SEMA6C: variants seen among roughly 807,000 people sequenced by gnomAD.
SEMA6C encodes semaphorin 6C.
In SEMA6C, 37 loss-of-function variants were observed where a neutral mutation model predicts 72.9. The observed-to-expected ratio is 0.51, with a 90% confidence interval of 0.39 to 0.67. The LOEUF is 0.67. Among genes scored for constraint, SEMA6C ranks in the 30% least tolerant of loss-of-function variants. The probability of loss-of-function intolerance (pLI) is 0.00; values close to 1 mark genes in which losing one functional copy is unlikely to be tolerated. For synonymous variants in SEMA6C, 578 were observed against 554.1 expected (o/e 1.04, Z -0.61); for missense variants, 1,189 against 1,263.6 (o/e 0.94, Z 0.89).
chr1:151,140,963 A>G (rs1682490814), intron 3 of SEMA6C, among the ~76,000 whole-genome samples: 1 of 150,872 alleles, frequency 6.6e-6, no homozygotes, highest in African/African-American at 2.4e-5. Context: ...ACGCCACTGC[A>G]CTCTAGCCTG....
chr1:151,137,672 GA>G, intron 10 of SEMA6C, 38 bp downstream of exon 10: 7 of 1,554,282 alleles, frequency 4.5e-6, no homozygotes, highest in Non-Finnish European at 5.3e-6. Context: ...GGATCCAGCA[GA>G]ACCCTCCAGC....
intron 3 of SEMA6C, 118 bp from the exon 4 acceptor site, chr1:151,140,208 G>T: frequency 1.3e-6 from 1 of 771,240 alleles, no homozygotes; most frequent in South Asian, 1.5e-5. Flanking sequence ...GTGCCCAAAA[G>T]CTATTCTTAA....
At position 151,132,748 on chromosome 1, in the gene SEMA6C, C is replaced by CCGGGGAGCGGGGG. The variant is rs1681655424; in HGVS notation, c.2516_2528dup (p.Leu844ProfsTer188). ...ACCTCCGGCCTCCGCCGACGCCCAG[C>CCGGGGAGCGGGGG]CGGGGAGCGGGGGCGGAGAGCGCGG... On this transcript the variant is annotated frameshift_variant, in exon 19 of 19. Transcript: ENST00000368914. LOFTEE classifies it low-confidence loss of function (END_TRUNC). The CCGGGGAGCGGGGG allele has an allele frequency of 1.4e-6, 2 of 1,445,880 alleles. No individual in the cohort carries two copies. The highest frequency in any genetic ancestry group is 1.8e-6 in the Non-Finnish European group (2 of 1,099,474). 89.6% of individuals were successfully genotyped at this position (1,445,880 alleles called of 1,614,324 possible).
Position 151,133,087 on chromosome 1 carries a change from C to T in SEMA6C, c.2190G>A (p.Glu730=). Residue 730 remains glutamate, a synonymous_variant, in exon 19 of 19, where the codon GAG becomes GAA. Coordinates refer to ENST00000368914, the MANE Select transcript of SEMA6C (RefSeq NM_030913.6). The surrounding 1 kb of genome is among the most constrained non-coding windows in gnomAD (Gnocchi z 5.9). ...EWNQNRNNAK[E]GPGRSRGGHA... ...GCCCGCCCCGTGAGCGGCCCGGACC[C>T]TCCTTGGCGTTGTTCCTGTTCTGGT... The T allele has an allele frequency of 1.9e-6, 3 of 1,552,556 alleles. No individual in the cohort carries two copies. The highest frequency in any genetic ancestry group is 1.4e-5 in the African/African-American group (1 of 70,242).
In SEMA6C at chr1:151,135,258, C is replaced by A; in HGVS notation, c.1485G>T (p.Glu495Asp). The A allele has an allele frequency of 1.2e-6, 2 of 1,614,242 alleles. No individual in the cohort carries two copies. Among genetic ancestry groups the A allele is most frequent in the Non-Finnish European group, 1.7e-6 (2 of 1,180,048 alleles). ...AAAGCCTGTGACCCTCAGTGTCCAG[C>A]TCCAGCCCTATGATCCGTCGTGCTG... ...AQTARRIIGL[E>D]LDTEGHRLFV... The change falls in exon 15 of 19, where the codon GAG becomes GAT. Residue 495 changes from glutamate (E) to aspartate (D), a missense_variant. Physicochemically the swap from Glu to Asp is conservative, Grantham distance 45. Transcript: ENST00000368914.
rs781098196 is a variant in SEMA6C at position 151,135,172 on chromosome 1, G to A, written c.1571C>T (p.Ala524Val). 1 of 1,613,732 alleles carries A rather than the reference G, an allele frequency of 6.2e-7. No homozygotes were observed. Among genetic ancestry groups the A allele is most frequent in the African/African-American group, 1.3e-5 (1 of 74,918 alleles). The stretch of plus-strand genomic sequence containing the variant: ...CTCAGGCCCCTCTCACCTCTGACAG[G>A]CCCCATGCCGGGCACACCGGCTGAG... ...LPLSRCARHG[A>V]CQRSCLASQD... Residue 524 changes from alanine (A) to valine (V), a missense_variant, in exon 15 of 19, where the codon GCC becomes GTC. By Grantham distance (64) the Ala-to-Val change is moderately conservative. Around this residue, in one of 2 missense-constraint regions of SEMA6C, gnomAD observed 721 missense variants for 686.2 expected, o/e 1.05. Coordinates refer to ENST00000368914, the MANE Select transcript of SEMA6C (RefSeq NM_030913.6).
Position 151,136,556 on chromosome 1 carries a change from G to C in SEMA6C, c.998C>G (p.Ala333Gly). 6.2e-7 allele frequency: 1 copy of C among 1,614,110 alleles called. No individual in the cohort carries two copies. Among genetic ancestry groups the C allele is most frequent in the Non-Finnish European group, 8.5e-7 (1 of 1,180,034 alleles). The change falls in exon 12 of 19, where the codon GCC (alanine) becomes GGC (glycine). Residue 333 changes from alanine (A) to glycine (G), a missense_variant. Around this residue, in one of 2 missense-constraint regions of SEMA6C, gnomAD observed 468 missense variants for 577.4 expected, o/e 0.81. Coordinates refer to ENST00000368914, the MANE Select transcript of SEMA6C (RefSeq NM_030913.6). ...TNSIPGSAVCAFYLDEIERGF... is the reference protein window; with the variant it reads ...TNSIPGSAVCGFYLDEIERGF... Reference sequence around the variant, plus strand: ...ACGCTCAATCTCATCCAGGTAGAAGGCGCAGACGGCAGAGCCAGGGATGCT... The same window carrying C: ...ACGCTCAATCTCATCCAGGTAGAAGCCGCAGACGGCAGAGCCAGGGATGCT...
In SEMA6C at chr1:151,132,376, A is replaced by T. The variant is rs1322374513; in HGVS notation, c.*108T>A. 3 of 1,530,128 alleles carry T rather than the reference A, an allele frequency of 2.0e-6. No homozygotes were observed. Among genetic ancestry groups the T allele is most frequent in the African/African-American group, 2.8e-5 (2 of 72,168 alleles). 94.8% of individuals were successfully genotyped at this position (1,530,128 alleles called of 1,614,324 possible). A position where few individuals can be genotyped will look rare whatever the true frequency, so the allele number is the denominator to read the frequency against. ...CCTCGGGAGACTCTGCGAGTCGGGA[A>T]GGCTGGAGGTGCGGGGCGAGGGGGC... On this transcript the variant is annotated 3_prime_UTR_variant, in exon 19 of 19. Coordinates refer to ENST00000368914, the MANE Select transcript of SEMA6C (RefSeq NM_030913.6).
Position 151,134,610 on chromosome 1 carries a change from T to C in SEMA6C, c.1714+10A>G, listed in dbSNP as rs763657339. ...CTTTGGCTGCAACAGCAGCTGCCTC[T>C]TCTGTTTACCTTGGCAGTCACCATG... On this transcript the variant is annotated intron_variant, in intron 17 of 18. Coordinates refer to ENST00000368914, the MANE Select transcript of SEMA6C (RefSeq NM_030913.6). 2 of 1,614,174 alleles carry C rather than the reference T, an allele frequency of 1.2e-6. No homozygotes were observed. Among genetic ancestry groups the C allele is most frequent in the Non-Finnish European group, 8.5e-7 (1 of 1,180,004 alleles).
chr1:151,139,092 C>CAA (rs887064091), intron 6 of SEMA6C, among the ~76,000 whole-genome samples: 19 of 53,032 alleles, frequency 3.6e-4, no homozygotes, highest in Non-Finnish European at 5.0e-4. Flanking sequence ...GACTCCGTCT[C>CAA]AAAAAAAAAA....
At position 151,142,568 on chromosome 1, in the gene SEMA6C, T is replaced by C. The variant is rs753150514; in HGVS notation, c.54A>G (p.Ser18=). ...MPLLLLLLLL[S]LPHTQAAFPQ... is the part of the protein sequence containing the mutation. ...GAAAGGCGGCCTGAGTATGGGGAAG[T>C]GAGAGCAGCAGCAGCAGTAGCAGCA... The change falls in exon 3 of 19, where the codon TCA becomes TCG. Residue 18 remains serine, a synonymous_variant. Coordinates refer to ENST00000368914, the MANE Select transcript of SEMA6C (RefSeq NM_030913.6). 1.9e-6 allele frequency: 3 copies of C among 1,608,826 alleles called. No individual in the cohort carries two copies. The highest frequency in any genetic ancestry group is 2.5e-6 in the Non-Finnish European group (3 of 1,177,640).
rs1681617759 is a variant in SEMA6C, at chr1:151,132,476, C to T, written c.*8G>A. On this transcript the variant is annotated 3_prime_UTR_variant, in exon 19 of 19. Coordinates refer to ENST00000368914, the MANE Select transcript of SEMA6C (RefSeq NM_030913.6). ...GCTCCCCACGCTGGAGGCCGTGGGC[C>T]GCTCCCTTTAAAAGTTGAAACGGCC... is the stretch of plus-strand genomic sequence containing the variant. The T allele has an allele frequency of 6.5e-7, 1 of 1,547,198 alleles. No individual in the cohort carries two copies. Among genetic ancestry groups the T allele is most frequent in the Non-Finnish European group, 8.7e-7 (1 of 1,145,186 alleles).
At position 151,140,103 on chromosome 1, in the gene SEMA6C, G is replaced by C. The variant is rs374950201; in HGVS notation, c.119-13C>G. The C allele has an allele frequency of 5.9e-5, 94 of 1,606,792 alleles. No homozygotes were observed. In the African/African-American group the frequency reaches 1.2e-3, roughly 21 times the overall value. ...AATGGGGAAGTACCTTGAGGACACA[G>C]AGAGATAGGATTCTGAGGATACCAC... On this transcript the variant is annotated splice_polypyrimidine_tract_variant and intron_variant, in intron 3 of 18. Transcript: ENST00000368914.
Position 151,136,430 on chromosome 1 carries a change from C to T in SEMA6C, c.1106+18G>A. The T allele has an allele frequency of 6.2e-7, 1 of 1,609,178 alleles. No individual in the cohort carries two copies. The highest frequency in any genetic ancestry group is 8.5e-7 in the Non-Finnish European group (1 of 1,178,442). ...CTGCTTGCTTCTGCCCCCACAAAAA[C>T]AACTCCATCCTGGGTACCTGGGTGA... On this transcript the variant is annotated intron_variant, in intron 12 of 18. Coordinates refer to ENST00000368914, the MANE Select transcript of SEMA6C (RefSeq NM_030913.6).
intron 3 of SEMA6C, among the ~76,000 whole-genome samples, chr1:151,141,581 T>G (rs1445448177): frequency 1.3e-5 from 2 of 151,950 alleles, no homozygotes. Flanking sequence ...GGCTAATTTT[T>G]TGTATTTTTA....
At position 151,132,834 on chromosome 1, in the gene SEMA6C, C is replaced by T. The variant is rs1681668681; in HGVS notation, c.2443G>A (p.Ala815Thr). The T allele has an allele frequency of 7.8e-6, 10 of 1,287,310 alleles. No homozygotes were observed. The highest frequency in any genetic ancestry group is 9.8e-6 in the Non-Finnish European group (10 of 1,017,870). 79.7% of individuals were successfully genotyped at this position (1,287,310 alleles called of 1,614,324 possible). A position where few individuals can be genotyped will look rare whatever the true frequency, so the allele number is the denominator to read the frequency against. The change falls in exon 19 of 19, where the codon GCC becomes ACC. Residue 815 changes from alanine to threonine, a missense_variant. Around this residue, in one of 2 missense-constraint regions of SEMA6C, gnomAD observed 721 missense variants for 686.2 expected, o/e 1.05. Coordinates refer to ENST00000368914, the MANE Select transcript of SEMA6C (RefSeq NM_030913.6). The part of the protein sequence containing the change: ...GGPSPRPHEC[A>T]SPLRLDVPPE... ...GGCACGTCCAGCCTCAGCGGCGAGG[C>T]GCACTCGTGGGGCCTGGGGCTGGGG...
Position 151,145,999 on chromosome 1 carries a change from G to A in SEMA6C, c.-105+434C>T, listed in dbSNP as rs1203441957. The stretch of plus-strand genomic sequence containing the variant: ...CTTGCACAAGGACAGAGGAGCACCC[G>A]TGACACAAAGTCCGGAACGATGCGT... On this transcript the variant is annotated intron_variant, in intron 1 of 18. Transcript: ENST00000368914. This position sits in a 1 kb window ranked among gnomAD's most constrained non-coding sequence, Gnocchi z 4.4. 1.3e-5 allele frequency: 2 copies of A among 151,940 alleles called. No homozygotes were observed. Among genetic ancestry groups the A allele is most frequent in the African/African-American group, 4.9e-5 (2 of 41,210 alleles). The allele number at this position is 151,940 out of a possible 1,614,324, so 9.4% of individuals were successfully genotyped here.
chr1:151,132,921 G>A lies in SEMA6C; in HGVS notation c.2356C>T (p.Pro786Ser), dbSNP rs1319959990. The A allele has an allele frequency of 7.2e-7, 1 of 1,388,264 alleles. No homozygotes were observed. The highest frequency in any genetic ancestry group is 9.3e-7 in the Non-Finnish European group (1 of 1,070,410). 86.0% of individuals were successfully genotyped at this position (1,388,264 alleles called of 1,614,324 possible). The change falls in exon 19 of 19, where the codon CCC (proline) becomes TCC (serine). Residue 786 changes from proline to serine, a missense_variant. Physicochemically the swap from Pro to Ser is moderately conservative, Grantham distance 74. This residue lies in a region of SEMA6C where 721 missense variants were observed against 686.2 expected (regional missense o/e 1.05). Transcript: ENST00000368914. ...GCCCGCGAGGTTAAAGGGGCGGGGGGCTCGGCCCCCTTTCTGGGCGGCTGC... is the reference window on the plus strand; with the variant it reads ...GCCCGCGAGGTTAAAGGGGCGGGGGACTCGGCCCCCTTTCTGGGCGGCTGC... ...GPQPPRKGAE[P>S]PAPLTSRALP...
At chr1:151,137,547 C>T (rs182999337) in intron 10 of SEMA6C, among the ~76,000 whole-genome samples, 164 bp downstream of exon 10, 86 of 151,608 alleles carry the variant, frequency 5.7e-4, no homozygotes, top group African/African-American at 2.0e-3. Context: ...GAGGGACAAG[C>T]AGGATGTGGG....
Sources: gnomAD v4.1 joint callset for allele counts (sites outside exome capture counted in the v4.1 genomes callset) on GRCh38, gnomAD v4.1.1 for gene constraint, gnomAD v4.1.1 regional missense constraint, Gnocchi (gnomAD v3.1) non-coding constraint, MANE v1.5 for transcripts, NCBI Gene and HGNC (gene_info 2026-07-23, HGNC 2026-07-21) for gene names.